The following AADAT variants were observed in gnomAD, a reference collection of about 807,000 sequenced individuals.
AADAT encodes kynurenine/alpha-aminoadipate aminotransferase, mitochondrial.
In AADAT, 25 loss-of-function variants were observed where a neutral mutation model predicts 56.2. That is an observed-to-expected ratio of 0.44 (90% CI 0.32 to 0.62). The LOEUF is 0.62. AADAT is among the 20% of genes least tolerant of loss of function. The pLI, the probability that AADAT is intolerant of heterozygous loss-of-function variation, is 0.04. For synonymous variants in AADAT, 173 were observed against 164.7 expected, an observed-to-expected ratio of 1.05 and a Z score of -0.39; for missense variants, 387 against 510.5, an observed-to-expected ratio of 0.76 and a Z score of 2.33.
chr4:170,075,271 T>C (rs747451951), intron 4 of AADAT, among the ~76,000 whole-genome samples: 31 of 152,214 alleles, frequency 2.0e-4, no homozygotes, highest in Non-Finnish European at 4.0e-4. Flanking sequence ...TATCCAATCA[T>C]TGAGAAAAAG....
chr4:170,063,259 T>A (rs929501545), intron 11 of AADAT, among the ~76,000 whole-genome samples: 1 of 152,120 alleles, frequency 6.6e-6, no homozygotes, highest in African/African-American at 2.4e-5. Context: ...CTTCACAAGA[T>A]AACCAACATC....
chr4:170,075,861 CT>C (rs1732009861), intron 4 of AADAT, among the ~76,000 whole-genome samples: 1 of 152,190 alleles, frequency 6.6e-6, no homozygotes, highest in African/African-American at 2.4e-5. Flanking sequence ...CCTTTTGTGT[CT>C]GGCTTCTTAA....
At chr4:170,067,275 G>T in intron 9 of AADAT, 52 bp downstream of exon 9, 1 of 1,377,010 alleles carries the variant, frequency 7.3e-7, no homozygotes, top group East Asian at 2.3e-5. Context: ...TCTGTACTAT[G>T]TTCACTGGGC....
chr4:170,072,992 CCT>C, intron 5 of AADAT, 142 bp downstream of exon 5: 1 of 669,560 alleles, frequency 1.5e-6, no homozygotes, highest in Non-Finnish European at 2.4e-6. Flanking sequence ...TTATTAGGAC[CCT>C]GAGCATATAT....
intron 4 of AADAT, among the ~76,000 whole-genome samples, chr4:170,078,231 T>C (rs776328343): frequency 1.1e-4 from 17 of 152,180 alleles, no homozygotes; most frequent in Non-Finnish European, 2.2e-4. Context: ...TTAAGAGAAT[T>C]GGACATGATT....
chr4:170,069,345 T>A, intron 6 of AADAT, 115 bp from the exon 7 acceptor site: 1 of 705,960 alleles, frequency 1.4e-6, no homozygotes, highest in Middle Eastern at 3.8e-4. Flanking sequence ...AGTACAAATA[T>A]TCTCTTACCT....
chr4:170,071,561 T>C (rs1393445227), intron 5 of AADAT, among the ~76,000 whole-genome samples: 1 of 152,208 alleles, frequency 6.6e-6, no homozygotes, highest in Non-Finnish European at 1.5e-5. Flanking sequence ...TTGGGCTTTA[T>C]TTTAACTGCA....
At position 170,088,572 on chromosome 4, in the gene AADAT, A is replaced by G. The variant is rs2111218505; in HGVS notation, c.68-8T>C. 6.2e-7 allele frequency: 1 copy of G among 1,600,008 alleles called. No individual in the cohort carries two copies. The highest frequency in any genetic ancestry group is 2.2e-5 in the East Asian group (1 of 44,516). On this transcript the variant is annotated splice_polypyrimidine_tract_variant and splice_region_variant and intron_variant, in intron 1 of 12. Coordinates refer to ENST00000337664, the MANE Select transcript of AADAT (RefSeq NM_016228.4). ...CTCTGCTCAATATGTCAGCTACAAT[A>G]CACATGGAAGAGAAGAAACAATTTC...
chr4:170,077,953 T>C (rs77045001), intron 4 of AADAT, among the ~76,000 whole-genome samples: 2,586 of 152,250 alleles, frequency 0.017, 41 homozygotes, highest in Non-Finnish European at 0.025. Flanking sequence ...TATGCTCCAG[T>C]TGTGGACATT....
intron 2 of AADAT, 53 bp downstream of exon 2, chr4:170,088,343 A>G (rs1445089571): frequency 1.3e-6 from 2 of 1,496,676 alleles, no homozygotes; most frequent in East Asian, 4.6e-5. Flanking sequence ...TGGGCCTTAG[A>G]ATATTTCTTA....
In AADAT at chr4:170,073,122, T is replaced by C. The variant is rs1162220275; in HGVS notation, c.654+14A>G. 2 of 1,612,484 alleles carry C rather than the reference T, an allele frequency of 1.2e-6. No homozygotes were observed. The highest frequency in any genetic ancestry group is 1.7e-6 in the Non-Finnish European group (2 of 1,178,990). ...ACAGGAACACAACTACTTTAACCCA[T>C]TCTTCTACAATACCTCATAGATTTC... On this transcript the variant is annotated intron_variant, in intron 5 of 12. Transcript: ENST00000337664.
chr4:170,064,636 C>G (rs1731356981), intron 11 of AADAT, 83 bp downstream of exon 11: 1 of 1,022,360 alleles, frequency 9.8e-7, no homozygotes, highest in Non-Finnish European at 1.4e-6. Flanking sequence ...AGAAACATTT[C>G]TTTCCATTCT....
At chr4:170,089,239 G>C (rs1298968162) in intron 1 of AADAT, 1 of 427,652 alleles carries the variant, frequency 2.3e-6, no homozygotes, top group South Asian at 1.9e-5. Context: ...TGAGCTTCAT[G>C]GCCCACCCCT....
intron 11 of AADAT, among the ~76,000 whole-genome samples, chr4:170,062,257 A>G (rs1482746982): frequency 6.6e-6 from 1 of 152,254 alleles, no homozygotes; most frequent in Non-Finnish European, 1.5e-5. Flanking sequence ...GAAAACTGAG[A>G]ACACTCAAAT....
At position 170,084,222 on chromosome 4, in the gene AADAT, A is replaced by G. The variant is rs181117585; in HGVS notation, c.369+2894T>C. Among the ~76,000 whole-genome samples, 50 of 152,302 alleles carry G rather than the reference A, an allele frequency of 3.3e-4. No individual in the cohort carries two copies. In the East Asian group the frequency reaches 8.5e-3, roughly 26 times the overall value. On this transcript the variant is annotated intron_variant, in intron 3 of 12. Coordinates refer to ENST00000337664, the MANE Select transcript of AADAT (RefSeq NM_016228.4). Reference sequence around the variant, plus strand: ...GATAGAGAGTAGATTGGTGGTTACCAGAGGCTGGAAAGGACAGGAGGGAGA... The same window carrying G: ...GATAGAGAGTAGATTGGTGGTTACCGGAGGCTGGAAAGGACAGGAGGGAGA...
intron 4 of AADAT, among the ~76,000 whole-genome samples, chr4:170,077,009 A>G (rs931095995): frequency 2.6e-5 from 4 of 152,156 alleles, no homozygotes; most frequent in African/African-American, 7.2e-5. Flanking sequence ...ACTGAAATCA[A>G]CTGGATTTGT....
rs1276840617 is a variant in AADAT at position 170,087,278 on chromosome 4, T to C, written c.237-30A>G. ...AGCAAAAAATGTATATTTAAATTCA[T>C]AGTAGTAAAAATCATAGTAACAGTA... is the stretch of plus-strand genomic sequence containing the variant. On this transcript the variant is annotated intron_variant, in intron 2 of 12. Transcript: ENST00000337664. 6 of 1,597,034 alleles carry C rather than the reference T, an allele frequency of 3.8e-6. No homozygotes were observed. In the South Asian group the frequency reaches 5.6e-5, roughly 15 times the overall value.
chr4:170,070,060 G>A (rs1430232987), intron 6 of AADAT, among the ~76,000 whole-genome samples: 3 of 151,888 alleles, frequency 2.0e-5, no homozygotes, highest in Non-Finnish European at 4.4e-5. Flanking sequence ...TGACAGGGTG[G>A]CAAATGTGGG....
chr4:170,078,311 T>C (rs1423631345), intron 4 of AADAT, among the ~76,000 whole-genome samples, 198 bp downstream of exon 4: 1 of 152,176 alleles, frequency 6.6e-6, no homozygotes, highest in Non-Finnish European at 1.5e-5. Context: ...AGAGAATACA[T>C]TTCACATACT....
Sources: allele counts gnomAD v4.1 joint callset (sites outside exome capture counted in the v4.1 genomes callset), GRCh38; gene constraint gnomAD v4.1.1; transcripts MANE v1.5; gene names NCBI Gene and HGNC (gene_info 2026-07-23, HGNC 2026-07-21).